The following LRIG1 variants were observed in gnomAD, a reference collection of about 807,000 sequenced individuals.
LRIG1 encodes the protein leucine-rich repeats and immunoglobulin-like domains protein 1.
A neutral mutation model predicts 99.2 loss-of-function variants in LRIG1; 48 were observed. The observed-to-expected ratio is 0.48, with a 90% CI of 0.38 to 0.62. The LOEUF (loss-of-function observed/expected upper bound fraction) is 0.62, where lower values mean the gene tolerates loss of function less well. Ranked by LOEUF, LRIG1 falls within the 20% of genes least tolerant of loss-of-function variation. LRIG1 has a pLI of 0.00. For synonymous variants in LRIG1, 772 were observed against 596.1 expected (o/e 1.29, Z -4.30); for missense variants, 1,646 against 1,434.4 (o/e 1.15, Z -2.38).
At chr3:66,498,322 G>C (rs1250860897) in intron 1 of LRIG1, 2 of 152,086 alleles carry the variant, frequency 1.3e-5, no homozygotes, top group Non-Finnish European at 2.9e-5. Context: ...GTCACTCCTA[G>C]GCAACAGAAA....
At chr3:66,450,163 A>T (rs1473410649) in intron 3 of LRIG1, among the ~76,000 whole-genome samples, 1 of 152,178 alleles carries the variant, frequency 6.6e-6, no homozygotes, top group Non-Finnish European at 1.5e-5. Context: ...TCAGACCTTT[A>T]CCCATCAAGG....
chr3:66,390,776 A>T (rs1701586244), intron 12 of LRIG1, among the ~76,000 whole-genome samples: 1 of 152,216 alleles, frequency 6.6e-6, no homozygotes, highest in African/African-American at 2.4e-5. Flanking sequence ...CTTTGATATG[A>T]CATCAAAAGC....
chr3:66,498,270 G>C (rs1333006062), intron 1 of LRIG1: 2 of 152,106 alleles, frequency 1.3e-5, no homozygotes, highest in Non-Finnish European at 2.9e-5. Context: ...GTGAGTAAAA[G>C]AGAAGGACTT....
chr3:66,391,874 T>C (rs1575653380), intron 12 of LRIG1, among the ~76,000 whole-genome samples: 1 of 152,218 alleles, frequency 6.6e-6, no homozygotes, highest in East Asian at 1.9e-4. Context: ...TACTCACCAA[T>C]ATGGGCAACC....
Position 66,380,385 on chromosome 3 carries a change from A to G in LRIG1, c.3160T>C (p.Tyr1054His), listed in dbSNP as rs1163429430. The G allele has an allele frequency of 6.8e-6, 11 of 1,614,194 alleles. 1 individual carries two copies. The South Asian group carries it at 1.2e-4, about 18-fold the overall frequency. Residue 1054 changes from tyrosine (Y) to histidine (H), a missense_variant, in exon 19 of 19, where the codon TAC (tyrosine) becomes CAC (histidine). Coordinates refer to ENST00000273261, the MANE Select transcript of LRIG1 (RefSeq NM_015541.3). ...AGGTGGCCATTGGAAACAAGCAAGT[A>G]CTGGGCTTCCGCGCGCTCTGGACTG... is the stretch of plus-strand genomic sequence containing the variant. ...SGSPERAEAQ[Y>H]LLVSNGHLPK...
At position 66,383,137 on chromosome 3, in the gene LRIG1, C is replaced by T. The variant is rs755805855; in HGVS notation, c.2336G>A (p.Ser779Asn). The T allele has an allele frequency of 4.3e-6, 7 of 1,614,238 alleles. No individual in the cohort carries two copies. In the South Asian group the frequency reaches 4.4e-5, roughly 10 times the overall value. The stretch of plus-strand genomic sequence containing the variant: ...CCTGCAGCCTGCTGCGGGCAGGACG[C>T]TCAGCTGGCTGTGAGCTCGCTCCGT... ...LGTERAHSQL[S>N]VLPAAGCRKD... Residue 779 changes from serine to asparagine, a missense_variant, in exon 15 of 19, where the codon AGC (serine) becomes AAC (asparagine). Physicochemically the swap from Ser to Asn is conservative, Grantham distance 46. Coordinates refer to ENST00000273261, the MANE Select transcript of LRIG1 (RefSeq NM_015541.3).
At chr3:66,392,084 C>T (rs979855836) in intron 12 of LRIG1, among the ~76,000 whole-genome samples, 10 of 152,148 alleles carry the variant, frequency 6.6e-5, no homozygotes, top group African/African-American at 2.4e-4. Flanking sequence ...TGACTTCTTC[C>T]ACTTAGCATG....
intron 3 of LRIG1, among the ~76,000 whole-genome samples, chr3:66,438,381 G>A (rs889130840): frequency 6.6e-6 from 1 of 152,190 alleles, no homozygotes; most frequent in Non-Finnish European, 1.5e-5. Flanking sequence ...AGAACATACA[G>A]CCCAGGCCTC....
At chr3:66,499,601 C>T (rs982101677) in intron 1 of LRIG1, among the ~76,000 whole-genome samples, 5 of 152,124 alleles carry the variant, frequency 3.3e-5, no homozygotes, top group African/African-American at 1.2e-4. Context: ...CCTTCTGCCC[C>T]GCACAGAGAG....
At chr3:66,413,507 C>T (rs1416723274) in intron 5 of LRIG1, among the ~76,000 whole-genome samples, 1 of 152,212 alleles carries the variant, frequency 6.6e-6, no homozygotes, top group Non-Finnish European at 1.5e-5. Context: ...TTCACAGCAT[C>T]TCCACTATGG....
At chr3:66,483,133 C>T (rs963540925) in intron 1 of LRIG1, among the ~76,000 whole-genome samples, 1 of 152,072 alleles carries the variant, frequency 6.6e-6, no homozygotes, top group Non-Finnish European at 1.5e-5. Context: ...AAAGGCTTCC[C>T]TACAGCATCA....
At chr3:66,493,463 G>A (rs1701150469) in intron 1 of LRIG1, among the ~76,000 whole-genome samples, 2 of 152,106 alleles carry the variant, frequency 1.3e-5, no homozygotes, top group South Asian at 2.1e-4. Flanking sequence ...GATTTCCAAG[G>A]GTACATGAGG....
rs200095316 is a variant in LRIG1, at chr3:66,383,004, T to G, written c.2469A>C (p.Glu823Asp). ...GACCTGTGTTGGTGACACTGTACTC[T>G]TCACTCTTCTTCCTGGTCTGGTAGA... is the stretch of plus-strand genomic sequence containing the variant. ...CIIYQTRKKS[E>D]EYSVTNTDET... The change falls in exon 15 of 19, where the codon GAA becomes GAC. Residue 823 changes from glutamate to aspartate, a missense_variant. Glu to Asp is a conservative substitution (Grantham distance 45, BLOSUM62 2). Coordinates refer to ENST00000273261, the MANE Select transcript of LRIG1 (RefSeq NM_015541.3). The G allele has an allele frequency of 1.7e-5, 27 of 1,613,416 alleles. No individual in the cohort carries two copies. The East Asian group carries it at 4.9e-4, about 29-fold the overall frequency.
chr3:66,387,216 G>A (rs570777774), intron 12 of LRIG1: 2 of 151,984 alleles, frequency 1.3e-5, no homozygotes, highest in Admixed American at 1.3e-4. Flanking sequence ...AAAGGAAAAT[G>A]TGGGGAATAC....
chr3:66,464,020 T>G (rs1700415135), intron 1 of LRIG1, among the ~76,000 whole-genome samples: 1 of 152,246 alleles, frequency 6.6e-6, no homozygotes. Context: ...AGCTTGTCTG[T>G]GCCTGGGGGT....
intron 3 of LRIG1, among the ~76,000 whole-genome samples, chr3:66,446,359 C>A (rs1041366331): frequency 4.7e-5 from 7 of 150,474 alleles, no homozygotes; most frequent in African/African-American, 1.5e-4. Context: ...CCAGAAATTA[C>A]AACAGAGGGC....
chr3:66,496,818 T>G (rs970567943), intron 1 of LRIG1, among the ~76,000 whole-genome samples: 2 of 152,228 alleles, frequency 1.3e-5, no homozygotes, highest in Non-Finnish European at 2.9e-5. Flanking sequence ...ATAAACAGGA[T>G]GGAAAGTATT....
At chr3:66,414,406 T>TA (rs772989579) in intron 5 of LRIG1, among the ~76,000 whole-genome samples, 5 of 150,916 alleles carry the variant, frequency 3.3e-5, no homozygotes, top group East Asian at 3.9e-4. Context: ...AAAAAAATAA[T>TA]AATAAATAAA....
At chr3:66,450,280 G>A (rs945166238) in intron 3 of LRIG1, among the ~76,000 whole-genome samples, 2 of 152,164 alleles carry the variant, frequency 1.3e-5, no homozygotes, top group African/African-American at 2.4e-5. Context: ...AAGGAGCTAC[G>A]TGACAACTAG....
Sources: allele counts gnomAD v4.1 joint callset (sites outside exome capture counted in the v4.1 genomes callset), GRCh38; gene constraint gnomAD v4.1.1; transcripts MANE v1.5; gene names NCBI Gene and HGNC (gene_info 2026-07-23, HGNC 2026-07-21).